The following PDIA6 variants were observed in gnomAD, a reference collection of about 807,000 sequenced individuals.
The protein encoded by PDIA6 is protein disulfide-isomerase A6.
PDIA6 carries 29 observed loss-of-function variants against 58.4 expected under a neutral mutation model. The ratio of observed to expected loss-of-function variants is 0.50; its 90% CI spans 0.37 to 0.68. PDIA6 has a LOEUF of 0.68. Among genes scored for constraint, PDIA6 ranks in the 30% least tolerant of loss-of-function variants. The pLI, the probability that PDIA6 is intolerant of heterozygous loss-of-function variation, is 0.00. For synonymous variants in PDIA6, 192 were observed against 202.6 expected (o/e 0.95, Z 0.44); for missense variants, 480 against 551.0 (o/e 0.87, Z 1.29).
intron 1 of PDIA6, among the ~76,000 whole-genome samples, chr2:10,824,167 A>G (rs2008967): frequency 0.36 from 53,752 of 151,274 alleles, 10,286 homozygotes; most frequent in East Asian, 0.72. Flanking sequence ...ATGCTGTGGT[A>G]TGTAGCCCAG....
At chr2:10,811,027 G>C (rs1168374363) in intron 1 of PDIA6, among the ~76,000 whole-genome samples, 4 of 152,178 alleles carry the variant, frequency 2.6e-5, no homozygotes, top group Non-Finnish European at 5.9e-5. Flanking sequence ...TCCCACATCT[G>C]CTAGGAGGAG....
upstream of PDIA6, among the ~76,000 whole-genome samples, chr2:10,813,228 AT>A (rs1261564524): frequency 1.3e-5 from 2 of 152,156 alleles, no homozygotes; most frequent in African/African-American, 4.8e-5. Context: ...CCCGACGAAT[AT>A]TCCGTGGACA....
intron 8 of PDIA6, 112 bp from the exon 9 acceptor site, chr2:10,789,093 CACG>C (rs1370641637): frequency 1.3e-6 from 1 of 768,328 alleles, no homozygotes; most frequent in East Asian, 2.6e-5. Flanking sequence ...ACATTTCTCC[CACG>C]ACTACTTCCT....
chr2:10,787,998 G>A (rs926905461), intron 10 of PDIA6, among the ~76,000 whole-genome samples: 1 of 150,130 alleles, frequency 6.7e-6, no homozygotes, highest in Non-Finnish European at 1.5e-5. Context: ...CCCGGGAGGC[G>A]GAGGTTGCAG....
chr2:10,793,894 G>GT (rs1389033015), intron 4 of PDIA6, among the ~76,000 whole-genome samples: 15 of 152,208 alleles, frequency 9.9e-5, no homozygotes, highest in Admixed American at 9.8e-4. Context: ...TTAAAGCCAA[G>GT]TAACTGGAAA....
At chr2:10,800,234 T>C (rs952583308) in intron 2 of PDIA6, among the ~76,000 whole-genome samples, 1 of 152,214 alleles carries the variant, frequency 6.6e-6, no homozygotes, top group Non-Finnish European at 1.5e-5. Flanking sequence ...AGCATCTCTA[T>C]TCTAAAAACC....
At chr2:10,834,732 C>CTCCCTCCCTCCCTCCCTCCCT (rs1217424185), upstream of PDIA6, among the ~76,000 whole-genome samples, 7 of 36,442 alleles carry the variant, frequency 1.9e-4, no homozygotes, top group Admixed American at 3.7e-4. Context: ...CCTTCCTTCC[C>CTCCCTCCCTCCCTCCCTCCCT]TCCTTCCTTC....
At chr2:10,797,410 C>A (rs759371238) in intron 3 of PDIA6, among the ~76,000 whole-genome samples, 100 of 152,326 alleles carry the variant, frequency 6.6e-4, no homozygotes, top group Non-Finnish European at 1.0e-3. Context: ...ATGGAGGGAA[C>A]TCTGCAGCTC....
Position 10,812,705 on chromosome 2 carries a change from C to T in PDIA6, c.-9G>A. On this transcript the variant is annotated 5_prime_UTR_variant, in exon 1 of 13. Transcript: ENST00000272227. ...AGCACCAGGAGAGCCATGCCGAGCG[C>T]CGGGCTACGTGCAGTCCCCACCGCC... 1 of 1,526,764 alleles carries T rather than the reference C, an allele frequency of 6.5e-7. No homozygotes were observed. The highest frequency in any genetic ancestry group is 8.8e-7 in the Non-Finnish European group (1 of 1,139,892). The allele number at this position is 1,526,764 out of a possible 1,614,324, so 94.6% of individuals were successfully genotyped here.
upstream of PDIA6, among the ~76,000 whole-genome samples, chr2:10,813,028 C>T (rs760541000): frequency 6.6e-6 from 1 of 152,134 alleles, no homozygotes; most frequent in East Asian, 1.9e-4. Flanking sequence ...TCAGCTCCTC[C>T]GGGCCCTCTC....
chr2:10,797,765 G>A lies in PDIA6; in HGVS notation c.162-8C>T, dbSNP rs1254427628. 12 of 1,605,382 alleles carry A rather than the reference G, an allele frequency of 7.5e-6. No homozygotes were observed. The highest frequency in any genetic ancestry group is 1.0e-5 in the Non-Finnish European group (12 of 1,176,354). ...CTTTGACAGTGACCACACCTTTTGG[G>A]GGAAGACAACACAAAGCAACCATTA... On this transcript the variant is annotated splice_polypyrimidine_tract_variant and splice_region_variant and intron_variant, in intron 2 of 12. Coordinates refer to ENST00000272227, the MANE Select transcript of PDIA6 (RefSeq NM_005742.4).
Position 10,783,673 on chromosome 2 carries a change from GC to G in PDIA6, c.*584del, listed in dbSNP as rs1665538947. ...TGGGCAGGAAATCAGTTCTCACTGA[GC>G]CCGGTTTCCATGTAAAATCTCTGTT... On this transcript the variant is annotated 3_prime_UTR_variant, in exon 13 of 13. Transcript: ENST00000272227. 1 of 163,200 alleles carries G rather than the reference GC, an allele frequency of 6.1e-6. No individual in the cohort carries two copies. Among genetic ancestry groups the G allele is most frequent in the Non-Finnish European group, 1.3e-5 (1 of 75,398 alleles). 10.1% of individuals were successfully genotyped at this position (163,200 alleles called of 1,614,324 possible).
intron 2 of PDIA6, among the ~76,000 whole-genome samples, chr2:10,818,537 T>C (rs1667283315): frequency 6.7e-6 from 1 of 148,332 alleles, no homozygotes; most frequent in African/African-American, 2.5e-5. Flanking sequence ...TTTATTTATT[T>C]TGAGATGGAG....
chr2:10,821,218 T>A, intron 1 of PDIA6: 1 of 209,036 alleles, frequency 4.8e-6, no homozygotes, highest in Non-Finnish European at 9.8e-6. Flanking sequence ...CATCAGCTCT[T>A]CCAAAGCTCA....
chr2:10,818,009 A>G (rs1667252703), intron 2 of PDIA6, among the ~76,000 whole-genome samples: 1 of 152,204 alleles, frequency 6.6e-6, no homozygotes, highest in African/African-American at 2.4e-5. Context: ...AGGGGTGCTC[A>G]GGAGACACAC....
chr2:10,820,999 G>C, intron 1 of PDIA6: 2 of 603,876 alleles, frequency 3.3e-6, no homozygotes. Context: ...GTTGGGCCCA[G>C]GACGAAGGGG....
intron 4 of PDIA6, among the ~76,000 whole-genome samples, chr2:10,793,468 A>G (rs1389477692): frequency 6.6e-6 from 1 of 152,160 alleles, no homozygotes. Context: ...AGGCTGGAGT[A>G]CAGTGGCACC....
chr2:10,794,426 A>G (rs1666172932), intron 4 of PDIA6, among the ~76,000 whole-genome samples: 1 of 147,510 alleles, frequency 6.8e-6, no homozygotes, highest in African/African-American at 2.5e-5. Flanking sequence ...AGCCTGGGTG[A>G]CAGAACGAGA....
At chr2:10,826,197 G>A (rs1479137014) in intron 1 of PDIA6, among the ~76,000 whole-genome samples, 2 of 152,224 alleles carry the variant, frequency 1.3e-5, no homozygotes, top group Non-Finnish European at 2.9e-5. Flanking sequence ...ATGACATTAT[G>A]CTAAGTGGAA....
Sources: gnomAD v4.1 joint callset for allele counts (sites outside exome capture counted in the v4.1 genomes callset) on GRCh38, gnomAD v4.1.1 for gene constraint, MANE v1.5 for transcripts, NCBI Gene and HGNC (gene_info 2026-07-23, HGNC 2026-07-21) for gene names.